BIN3: variants seen among roughly 807,000 people sequenced by gnomAD.
The protein encoded by BIN3 is bridging integrator 3.
Under a neutral mutation model 38.2 loss-of-function variants are expected in BIN3, and 41 were observed. That is an observed-to-expected ratio of 1.07 (90% CI 0.84 to 1.39). The LOEUF (loss-of-function observed/expected upper bound fraction) is 1.39. Ranked by LOEUF, BIN3 falls within the 40% of genes most tolerant of loss-of-function variation. BIN3 has a pLI of 0.00. For synonymous variants in BIN3, 145 were observed against 122.6 expected, an observed-to-expected ratio of 1.18 and a Z score of -1.21; for missense variants, 361 against 324.3, an observed-to-expected ratio of 1.11 and a Z score of -0.87.
intron 2 of BIN3, among the ~76,000 whole-genome samples, chr8:22,637,571 G>A (rs1802412611): frequency 6.6e-6 from 1 of 152,216 alleles, no homozygotes; most frequent in Non-Finnish European, 1.5e-5. Context: ...CAACTCTCTT[G>A]AGAGCCAGCA....
chr8:22,639,995 G>C (rs1802490720), intron 2 of BIN3, among the ~76,000 whole-genome samples: 1 of 151,376 alleles, frequency 6.6e-6, no homozygotes, highest in Non-Finnish European at 1.5e-5. Flanking sequence ...CCGAGTAGCT[G>C]GGATTACAGG....
At position 22,630,007 on chromosome 8, in the gene BIN3, G is replaced by A. The variant is rs1802135412; in HGVS notation, c.298-3C>T. The A allele has an allele frequency of 1.2e-6, 2 of 1,608,714 alleles. No homozygotes were observed. Among genetic ancestry groups the A allele is most frequent in the African/African-American group, 1.3e-5 (1 of 74,992 alleles). On this transcript the variant is annotated splice_region_variant and splice_polypyrimidine_tract_variant and intron_variant, in intron 5 of 8. Transcript: ENST00000276416. ...ACAGTCTTCTGGATCTGGTTCACCT[G>A]TCAAAGAAAAACCCAAAGACATTAA...
At chr8:22,662,250 CA>C (rs955028520) in intron 1 of BIN3, among the ~76,000 whole-genome samples, 25 of 152,188 alleles carry the variant, frequency 1.6e-4, no homozygotes, top group African/African-American at 6.0e-4. Flanking sequence ...GCCACTGTTC[CA>C]ACTCCAAAAT....
intron 1 of BIN3, among the ~76,000 whole-genome samples, chr8:22,653,510 C>G (rs568439428): frequency 2.6e-5 from 4 of 152,312 alleles, no homozygotes; most frequent in African/African-American, 9.6e-5. Context: ...GTAACCGTTA[C>G]ACATTTCCAA....
At position 22,661,352 on chromosome 8, in the gene BIN3, C is replaced by CTTTTTTTTTTTTTTTT. The variant is rs751194383; in HGVS notation, c.8+7676_8+7691dup. On this transcript the variant is annotated intron_variant, in intron 1 of 8. Transcript: ENST00000276416. ...ATAGTACAATGTTGAATGTATCATT[C>CTTTTTTTTTTTTTTTT]TTTTTTTTTTTTTTTTTTTTTTTGA... Among the ~76,000 whole-genome samples, 8 of 84,448 alleles carry CTTTTTTTTTTTTTTTT rather than the reference C, an allele frequency of 9.5e-5. 2 individuals are homozygous for CTTTTTTTTTTTTTTTT. Among genetic ancestry groups the CTTTTTTTTTTTTTTTT allele is most frequent in the African/African-American group, 1.5e-4 (3 of 20,048 alleles). 55.4% of individuals were successfully genotyped at this position (84,448 alleles called of 152,430 possible).
intron 1 of BIN3, among the ~76,000 whole-genome samples, chr8:22,663,898 A>G (rs551504059): frequency 2.3e-4 from 35 of 152,356 alleles, no homozygotes; most frequent in South Asian, 1.9e-3. Flanking sequence ...TGATGATGCC[A>G]TACTGACATT....
At chr8:22,664,580 T>C (rs58571230) in intron 1 of BIN3, among the ~76,000 whole-genome samples, 2,714 of 152,358 alleles carry the variant, frequency 0.018, 82 homozygotes, top group African/African-American at 0.061. Context: ...ACTACCAACC[T>C]GCTAGTGTCA....
At chr8:22,630,083 A>G (rs1802140401) in intron 5 of BIN3, 79 bp from the exon 6 acceptor site, 1 of 1,381,010 alleles carries the variant, frequency 7.2e-7, no homozygotes, top group East Asian at 2.4e-5. Context: ...CTAACTACCA[A>G]AGGGCTAGGA....
chr8:22,667,463 T>A (rs1803457515), intron 1 of BIN3, among the ~76,000 whole-genome samples: 1 of 152,224 alleles, frequency 6.6e-6, no homozygotes, highest in African/African-American at 2.4e-5. Flanking sequence ...GCATCTGTAC[T>A]GCCTCATTTT....
chr8:22,656,579 T>C (rs933967872), intron 1 of BIN3, among the ~76,000 whole-genome samples: 1 of 152,242 alleles, frequency 6.6e-6, no homozygotes. Flanking sequence ...CCTTATGTTA[T>C]TGCATTAGCT....
intron 1 of BIN3, among the ~76,000 whole-genome samples, chr8:22,647,522 C>A (rs950722421): frequency 1.3e-5 from 2 of 152,210 alleles, no homozygotes; most frequent in Non-Finnish European, 2.9e-5. Flanking sequence ...GTTCAATACT[C>A]TTTTCACATG....
Position 22,644,673 on chromosome 8 carries a change from T to A in BIN3, c.57+82A>T, listed in dbSNP as rs189871272. 609 of 1,368,342 alleles carry A rather than the reference T, an allele frequency of 4.5e-4. 3 individuals carry two copies. In the East Asian group the frequency reaches 0.014, roughly 31 times the overall value. The allele number at this position is 1,368,342 out of a possible 1,614,324, so 84.8% of individuals were successfully genotyped here. ...TTGCTGTCTTCCCAGCCCCAAGATG[T>A]GTTGATTCAAAGCTTTGATTCTTAT... On this transcript the variant is annotated intron_variant, in intron 2 of 8. Coordinates refer to ENST00000276416, the MANE Select transcript of BIN3 (RefSeq NM_018688.6).
chr8:22,655,301 T>C (rs1335474912), intron 1 of BIN3, among the ~76,000 whole-genome samples: 2 of 122,552 alleles, frequency 1.6e-5, no homozygotes, highest in African/African-American at 9.5e-5. Flanking sequence ...ATTTATCTGT[T>C]TTTTCTTTTG....
chr8:22,624,228 G>A lies in BIN3; in HGVS notation c.474C>T (p.Leu158=), dbSNP rs1257405794. Reference sequence around the variant, plus strand: ...CACCTGTCTCCCCTGGTACCTGGTGGAGCTTGGCCAGCACTGGCCCCGTCT... The same window carrying A: ...CACCTGTCTCCCCTGGTACCTGGTGAAGCTTGGCCAGCACTGGCCCCGTCT... ...KEKTGPVLAK[L]HQAREELRPV... The change falls in exon 7 of 9, where the codon CTC becomes CTT. Residue 158 remains leucine, a synonymous_variant. Transcript: ENST00000276416. The A allele has an allele frequency of 1.2e-6, 2 of 1,613,434 alleles. No homozygotes were observed. The highest frequency in any genetic ancestry group is 2.2e-5 in the East Asian group (1 of 44,886).
rs533045414 is a variant in BIN3 at position 22,628,710 on chromosome 8, G to A, written c.338+1254C>T. ...GTCCCTGCCTCATTCTACCAGCCATGGGTGCCTGTGGCAGCCTCTGTGTCC... is the reference window on the plus strand; with the variant it reads ...GTCCCTGCCTCATTCTACCAGCCATAGGTGCCTGTGGCAGCCTCTGTGTCC... On this transcript the variant is annotated intron_variant, in intron 6 of 8. Coordinates refer to ENST00000276416, the MANE Select transcript of BIN3 (RefSeq NM_018688.6). Among the ~76,000 whole-genome samples, 8 of 152,336 alleles carry A rather than the reference G, an allele frequency of 5.3e-5. No homozygotes were observed. In the South Asian group the frequency reaches 1.7e-3, roughly 32 times the overall value.
intron 6 of BIN3, chr8:22,625,618 T>C (rs916905888): frequency 3.5e-6 from 2 of 573,636 alleles, no homozygotes; most frequent in Non-Finnish European, 6.3e-6. Flanking sequence ...GACAGAGTCT[T>C]GCTCTCTCAC....
intron 6 of BIN3, among the ~76,000 whole-genome samples, chr8:22,629,276 G>A (rs951605118): frequency 1.3e-5 from 2 of 152,182 alleles, no homozygotes; most frequent in Non-Finnish European, 2.9e-5. Flanking sequence ...GCAGCTGGGC[G>A]AACAGGAGCT....
intron 1 of BIN3, among the ~76,000 whole-genome samples, chr8:22,667,841 C>A (rs988041598): frequency 2.0e-5 from 3 of 152,174 alleles, no homozygotes; most frequent in Admixed American, 6.5e-5. Context: ...AGATGGTTCG[C>A]ATTTTACTTT....
intron 4 of BIN3, chr8:22,634,444 G>A (rs533294494): frequency 2.2e-6 from 1 of 454,776 alleles, no homozygotes; most frequent in South Asian, 1.6e-5. Context: ...GCGGCTCCCA[G>A]GGAAGGAACG....
Sources: gnomAD v4.1 joint callset for allele counts (sites outside exome capture counted in the v4.1 genomes callset) on GRCh38, gnomAD v4.1.1 for gene constraint, MANE v1.5 for transcripts, NCBI Gene and HGNC (gene_info 2026-07-23, HGNC 2026-07-21) for gene names.